Variants in FOXP2 observed in about 807,000 individuals in gnomAD.
FOXP2 encodes forkhead box protein P2.
A neutral mutation model predicts 115.8 loss-of-function variants in FOXP2; 12 were observed. The ratio of observed to expected loss-of-function variants is 0.10; its 90% CI spans 0.07 to 0.17. FOXP2 has a LOEUF of 0.17. Among genes scored for constraint, FOXP2 ranks in the 10% least tolerant of loss-of-function variants. The pLI is 1.00. For synonymous variants in FOXP2, 328 were observed against 297.7 expected (o/e 1.10, Z -1.05); for missense variants, 629 against 843.5 (o/e 0.75, Z 3.15).
chr7:114,304,359 T>G (rs534714955), intron 2 of FOXP2, among the ~76,000 whole-genome samples: 2 of 152,138 alleles, frequency 1.3e-5, no homozygotes, highest in South Asian at 2.1e-4. Context: ...TCATTCATTT[T>G]TATCCTTCAT....
chr7:114,255,447 A>C (rs1795584002), intron 1 of FOXP2, among the ~76,000 whole-genome samples: 1 of 152,040 alleles, frequency 6.6e-6, no homozygotes, highest in African/African-American at 2.4e-5. Flanking sequence ...ACCCAGTTGG[A>C]GCTTCTGGGC....
chr7:114,570,664 C>T (rs553759828), intron 3 of FOXP2: 12 of 682,608 alleles, frequency 1.8e-5, no homozygotes, highest in Admixed American at 1.1e-4. Flanking sequence ...AACTGTGAGA[C>T]AATGATGGAA....
intron 2 of FOXP2, among the ~76,000 whole-genome samples, chr7:114,475,998 A>G (rs1483257790): frequency 6.6e-6 from 1 of 151,926 alleles, no homozygotes; most frequent in African/African-American, 2.4e-5. Flanking sequence ...ATTCAAACTA[A>G]TATCTATATC....
chr7:114,121,823 A>G (rs60336079), intron 1 of FOXP2, among the ~76,000 whole-genome samples: 9,106 of 152,252 alleles, frequency 0.06, 539 homozygotes, highest in African/African-American at 0.16. Flanking sequence ...ACACTGCCTC[A>G]GTAGTCAGAA....
At chr7:114,341,184 T>A (rs1791202531) in intron 2 of FOXP2, among the ~76,000 whole-genome samples, 1 of 151,144 alleles carries the variant, frequency 6.6e-6, no homozygotes, top group South Asian at 2.1e-4. Flanking sequence ...AATGTCAGGA[T>A]CCTCAGAACT....
At chr7:114,445,369 C>T (rs1418734485) in intron 2 of FOXP2, among the ~76,000 whole-genome samples, 1 of 151,940 alleles carries the variant, frequency 6.6e-6, no homozygotes, top group Admixed American at 6.6e-5. Context: ...TTATGGTGAC[C>T]CTTTGCTAAA....
intron 1 of FOXP2, among the ~76,000 whole-genome samples, chr7:114,171,217 A>C (rs1000236270): frequency 2.6e-4 from 39 of 152,178 alleles, no homozygotes; most frequent in African/African-American, 8.0e-4. Context: ...TGAATATTTT[A>C]AGCCCATTGT....
At chr7:114,678,600 C>G (rs1807905999) in intron 16 of FOXP2, among the ~76,000 whole-genome samples, 2 of 113,468 alleles carry the variant, frequency 1.8e-5, no homozygotes, top group Non-Finnish European at 3.5e-5. Flanking sequence ...ACACTTTATG[C>G]CCCTTCCTTC....
At chr7:114,363,347 A>G (rs781378844) in intron 2 of FOXP2, among the ~76,000 whole-genome samples, 4 of 152,144 alleles carry the variant, frequency 2.6e-5, no homozygotes, top group African/African-American at 9.6e-5. Flanking sequence ...TAAATAATGC[A>G]TTGAGTGCAA....
intron 2 of FOXP2, among the ~76,000 whole-genome samples, chr7:114,501,154 G>A (rs1434500096): frequency 2.0e-5 from 3 of 152,128 alleles, no homozygotes; most frequent in East Asian, 1.9e-4. Flanking sequence ...GCTTGCCTCA[G>A]AGACTAAAGG....
intron 2 of FOXP2, among the ~76,000 whole-genome samples, chr7:114,376,012 T>G (rs1048218799): frequency 2.0e-5 from 3 of 152,216 alleles, no homozygotes; most frequent in African/African-American, 7.2e-5. Flanking sequence ...GGATCTGTTC[T>G]AAGAGGTCTT....
chr7:114,460,212 A>T (rs990642802), intron 2 of FOXP2, among the ~76,000 whole-genome samples: 3 of 152,132 alleles, frequency 2.0e-5, no homozygotes, highest in Non-Finnish European at 4.4e-5. Flanking sequence ...CCATACAGGA[A>T]TGAGGGGGAG....
chr7:114,391,332 G>A (rs1792595470), intron 2 of FOXP2, among the ~76,000 whole-genome samples: 1 of 152,132 alleles, frequency 6.6e-6, no homozygotes, highest in Non-Finnish European at 1.5e-5. Context: ...TCTTCACTGG[G>A]TTAAACATCT....
intron 1 of FOXP2, among the ~76,000 whole-genome samples, chr7:114,417,385 T>A (rs1793395528): frequency 6.6e-6 from 1 of 152,000 alleles, no homozygotes; most frequent in South Asian, 2.1e-4. Flanking sequence ...AACATATATT[T>A]ACCTAGCTCT....
At chr7:114,325,684 A>C (rs1797537938) in intron 2 of FOXP2, among the ~76,000 whole-genome samples, 1 of 152,082 alleles carries the variant, frequency 6.6e-6, no homozygotes, top group Non-Finnish European at 1.5e-5. Context: ...GAGGAAATAT[A>C]TGGAGGAAAA....
At chr7:114,544,825 T>C (rs1001403453) in intron 3 of FOXP2, among the ~76,000 whole-genome samples, 1 of 152,218 alleles carries the variant, frequency 6.6e-6, no homozygotes, top group African/African-American at 2.4e-5. Context: ...AATTATAGTT[T>C]CTCAAAATCA....
chr7:114,382,129 TG>T (rs1792321039), intron 2 of FOXP2, among the ~76,000 whole-genome samples: 1 of 152,160 alleles, frequency 6.6e-6, no homozygotes. Context: ...ACTTAGTGGC[TG>T]GGAGAAGTAT....
chr7:114,501,042 C>T (rs1797546581), intron 2 of FOXP2, among the ~76,000 whole-genome samples: 1 of 152,084 alleles, frequency 6.6e-6, no homozygotes, highest in African/African-American at 2.4e-5. Context: ...CATCCACTAA[C>T]TTGAGCTACT....
chr7:114,494,767 C>A (rs1475242220), intron 2 of FOXP2, among the ~76,000 whole-genome samples: 1 of 151,818 alleles, frequency 6.6e-6, no homozygotes. Context: ...AAGACTCATG[C>A]CACTGAAATT....
Sources: allele counts gnomAD v4.1 joint callset (sites outside exome capture counted in the v4.1 genomes callset), GRCh38; gene constraint gnomAD v4.1.1; transcripts MANE v1.5; gene names NCBI Gene and HGNC (gene_info 2026-07-23, HGNC 2026-07-21).